Variants in LINGO2 observed in about 807,000 individuals in gnomAD.
The protein encoded by LINGO2 is leucine rich repeat and Ig domain containing 2, also known as leucine-rich repeat and immunoglobulin-like domain-containing nogo receptor-interacting protein 2.
Under a neutral mutation model 30.6 loss-of-function variants are expected in LINGO2, and 14 were observed. The observed-to-expected ratio is 0.46, with a 90% confidence interval of 0.30 to 0.72. The LOEUF (loss-of-function observed/expected upper bound fraction) is 0.72, where lower values mean the gene tolerates loss of function less well. Among genes scored for constraint, LINGO2 ranks in the 30% least tolerant of loss-of-function variants. LINGO2 has a pLI of 0.07. For missense variants in LINGO2, 729 were observed against 751.7 expected (o/e 0.97, Z 0.35); for synonymous variants, 317 against 288.5 (o/e 1.10, Z -1.00).
the LINGO2 span, among the ~76,000 whole-genome samples, chr9:29,104,016 A>G: frequency 1.3e-5 from 2 of 152,228 alleles, no homozygotes; most frequent in Non-Finnish European, 2.9e-5. Flanking sequence ...GCTTGTGCAT[A>G]TAAGGTGCTT....
At chr9:28,553,511 T>C (rs1337284257) in intron 1 of LINGO2, among the ~76,000 whole-genome samples, 2 of 151,960 alleles carry the variant, frequency 1.3e-5, no homozygotes, top group African/African-American at 2.4e-5. Context: ...AAAGACCAAA[T>C]CTACGTCTGA....
chr9:28,847,330 A>G, the LINGO2 span, among the ~76,000 whole-genome samples: 1 of 148,372 alleles, frequency 6.7e-6, no homozygotes, highest in Non-Finnish European at 1.5e-5. Flanking sequence ...CCTCTCTGCC[A>G]TAGAAATATG....
chr9:28,132,020 A>G (rs1215727252), intron 4 of LINGO2, among the ~76,000 whole-genome samples: 1 of 152,152 alleles, frequency 6.6e-6, no homozygotes. Context: ...TCTTGGGTGG[A>G]TTAAGTAACT....
intron 4 of LINGO2, among the ~76,000 whole-genome samples, chr9:28,178,489 T>G (rs1828809853): frequency 6.6e-6 from 1 of 152,132 alleles, no homozygotes; most frequent in Admixed American, 6.6e-5. Flanking sequence ...ACCAGAAGAC[T>G]TTTGGTTTTA....
In LINGO2 at chr9:28,301,277, G is replaced by A. The variant is rs80189582; in HGVS notation, c.-245-5911C>T. Among the ~76,000 whole-genome samples the A allele has an allele frequency of 0.016, 2,415 of 151,640 alleles. 143 individuals are homozygous for A. The East Asian group carries it at 0.19, about 12-fold the overall frequency. On this transcript the variant is annotated intron_variant, in intron 3 of 5. Coordinates refer to ENST00000379992, the Ensembl canonical transcript of LINGO2. ...GGCCACCAGTTTGAGATCCTCCTTTGTAACTATTGAGGAGTCACCATCCAC... is the reference window on the plus strand; with the variant it reads ...GGCCACCAGTTTGAGATCCTCCTTTATAACTATTGAGGAGTCACCATCCAC...
intron 1 of LINGO2, among the ~76,000 whole-genome samples, chr9:28,656,494 C>A (rs911082399): frequency 6.6e-6 from 1 of 151,784 alleles, no homozygotes; most frequent in Non-Finnish European, 1.5e-5. Flanking sequence ...ATATTTATAC[C>A]AAAACGCATA....
At chr9:28,903,044 A>G in the LINGO2 span, among the ~76,000 whole-genome samples, 1 of 151,956 alleles carries the variant, frequency 6.6e-6, no homozygotes, top group Non-Finnish European at 1.5e-5. Context: ...AATAAATAAA[A>G]TATAGACTAG....
intron 4 of LINGO2, among the ~76,000 whole-genome samples, chr9:28,092,045 A>C (rs140345795): frequency 0.014 from 2,121 of 152,264 alleles, 40 homozygotes; most frequent in Middle Eastern, 0.061. Context: ...GTCAGGAAAC[A>C]ACAGGTGCTG....
chr9:28,067,997 A>G (rs1372684504), intron 4 of LINGO2, among the ~76,000 whole-genome samples: 2 of 152,118 alleles, frequency 1.3e-5, no homozygotes, highest in African/African-American at 4.8e-5. Context: ...CTCAGAAAAT[A>G]TACTCAACAA....
chr9:28,571,827 C>T (rs1823710316), intron 1 of LINGO2, among the ~76,000 whole-genome samples: 1 of 152,044 alleles, frequency 6.6e-6, no homozygotes, highest in African/African-American at 2.4e-5. Flanking sequence ...ATGTTCCGAA[C>T]ATCATGGACC....
At chr9:28,414,192 C>T (rs10968575) in intron 2 of LINGO2, among the ~76,000 whole-genome samples, 45,767 of 151,822 alleles carry the variant, frequency 0.3, 7,866 homozygotes, top group Middle Eastern at 0.38. Flanking sequence ...CAGAACTTTA[C>T]TTGTTACTGT....
intron 1 of LINGO2, among the ~76,000 whole-genome samples, chr9:28,528,760 G>GGT (rs113637611): frequency 0.062 from 9,279 of 150,228 alleles, 655 homozygotes; most frequent in African/African-American, 0.17. Context: ...CTGCAGCAAA[G>GGT]GTGTGTGTGT....
chr9:27,981,551 G>GAAAAAAAAAAAAAAAAAAA (rs1279785343), intron 5 of LINGO2, among the ~76,000 whole-genome samples: 4 of 87,132 alleles, frequency 4.6e-5, no homozygotes, highest in South Asian at 9.0e-4. Context: ...AAAAAAAAAA[G>GAAAAAAAAAAAAAAAAAAA]AAAAAAAAGA....
At chr9:28,430,961 T>C (rs566012564) in intron 2 of LINGO2, among the ~76,000 whole-genome samples, 1 of 151,378 alleles carries the variant, frequency 6.6e-6, no homozygotes, top group Admixed American at 6.6e-5. Context: ...CTCGTTTCCT[T>C]GTATACCAAT....
At chr9:28,025,870 G>T (rs1363730359) in intron 4 of LINGO2, among the ~76,000 whole-genome samples, 3 of 149,738 alleles carry the variant, frequency 2.0e-5, no homozygotes, top group Non-Finnish European at 4.5e-5. Context: ...GTTAAATATG[G>T]TCTACACATG....
At chr9:28,021,929 A>G (rs1172598667) in intron 4 of LINGO2, among the ~76,000 whole-genome samples, 1 of 152,008 alleles carries the variant, frequency 6.6e-6, no homozygotes, top group Non-Finnish European at 1.5e-5. Flanking sequence ...AATTCACTTT[A>G]AAATGTTCCA....
intron 2 of LINGO2, among the ~76,000 whole-genome samples, chr9:28,376,903 T>G (rs1466680907): frequency 6.6e-6 from 1 of 152,182 alleles, no homozygotes; most frequent in African/African-American, 2.4e-5. Flanking sequence ...CATTTTTGTG[T>G]ATGCAGTAGA....
At chr9:28,622,511 G>T (rs1256564673) in intron 1 of LINGO2, among the ~76,000 whole-genome samples, 1 of 151,784 alleles carries the variant, frequency 6.6e-6, no homozygotes, top group African/African-American at 2.4e-5. Context: ...GTATGTTGTT[G>T]CAAAAGACTG....
At chr9:28,179,611 A>T (rs1386954916) in intron 4 of LINGO2, among the ~76,000 whole-genome samples, 1 of 141,432 alleles carries the variant, frequency 7.1e-6, no homozygotes, top group Non-Finnish European at 1.5e-5. Context: ...TATAGTGTAT[A>T]TATACTATAT....
Sources: allele counts gnomAD v4.1 joint callset (sites outside exome capture counted in the v4.1 genomes callset), GRCh38; gene constraint gnomAD v4.1.1; transcripts MANE v1.5; gene names NCBI Gene and HGNC (gene_info 2026-07-23, HGNC 2026-07-21).